FETUB: variants seen among roughly 807,000 people sequenced by gnomAD.
FETUB encodes the protein fetuin-B.
FETUB carries 28 observed loss-of-function variants against 30.9 expected under a neutral mutation model. The observed-to-expected ratio is 0.90, with a 90% CI of 0.67 to 1.24. FETUB has a LOEUF of 1.24. FETUB is among the 50% of genes most tolerant of loss of function. The pLI is 0.00. For missense variants in FETUB, 469 were observed against 455.3 expected (o/e 1.03, Z -0.27); for synonymous variants, 186 against 175.9 (o/e 1.06, Z -0.45).
At chr3:186,646,723 T>A (rs980608534) in intron 5 of FETUB, among the ~76,000 whole-genome samples, 1 of 152,218 alleles carries the variant, frequency 6.6e-6, no homozygotes, top group Admixed American at 6.5e-5. Flanking sequence ...AGAGGGAAAG[T>A]ATGCCTTGAA....
intron 2 of FETUB, among the ~76,000 whole-genome samples, chr3:186,641,352 G>A (rs1243877304): frequency 2.0e-5 from 3 of 152,170 alleles, no homozygotes; most frequent in Non-Finnish European, 4.4e-5. Flanking sequence ...TTGGGGTCAT[G>A]CAGAACAGAA....
At chr3:186,637,706 C>T (rs1394311539), upstream of FETUB, among the ~76,000 whole-genome samples, 3 of 152,246 alleles carry the variant, frequency 2.0e-5, no homozygotes, top group Non-Finnish European at 2.9e-5. Context: ...TAAGAATCTG[C>T]ACCGTGGGAG....
rs1439954804 is a variant in FETUB at position 186,644,810 on chromosome 3, T to C, written c.484T>C (p.Ser162Pro). 1.2e-6 allele frequency: 2 copies of C among 1,613,978 alleles called. No individual in the cohort carries two copies. Among genetic ancestry groups the C allele is most frequent in the Non-Finnish European group, 1.7e-6 (2 of 1,179,970 alleles). ...CTGCCCAAGCTCCATACCCACTGACTCTTCCAATCACCAAGTGCTGGAGGC... is the reference window on the plus strand; with the variant it reads ...CTGCCCAAGCTCCATACCCACTGACCCTTCCAATCACCAAGTGCTGGAGGC... ...PDCPSSIPTD[S>P]SNHQVLEAAT... Residue 162 changes from serine to proline, a missense_variant, in exon 4 of 7, where the codon TCT (serine) becomes CCT (proline). Coordinates refer to ENST00000265029, the MANE Select transcript of FETUB (RefSeq NM_014375.3).
chr3:186,639,284 G>A (rs1181351391), upstream of FETUB, among the ~76,000 whole-genome samples: 1 of 152,126 alleles, frequency 6.6e-6, no homozygotes, highest in Non-Finnish European at 1.5e-5. Flanking sequence ...CATGAGGGTG[G>A]AGCCCTCATC....
At chr3:186,647,120 C>G (rs1234000272) in intron 5 of FETUB, 1 of 152,190 alleles carries the variant, frequency 6.6e-6, no homozygotes, top group Non-Finnish European at 1.5e-5. Context: ...TCTTTTGTAT[C>G]TGGCTTCTTT....
rs1207537496 is a variant in FETUB at position 186,647,943 on chromosome 3, TA to T, written c.696+1599del. Among the ~76,000 whole-genome samples the T allele has an allele frequency of 2.6e-5, 4 of 152,200 alleles. No homozygotes were observed. In the East Asian group the frequency reaches 7.7e-4, roughly 29 times the overall value. ...CCATAATCACCAAGATTTACATGTG[TA>T]AAAATGCAAGGGATCCAGAATGCCA... On this transcript the variant is annotated intron_variant, in intron 5 of 6. Coordinates refer to ENST00000265029, the MANE Select transcript of FETUB (RefSeq NM_014375.3).
intron 5 of FETUB, 69 bp downstream of exon 5, chr3:186,646,418 A>C: frequency 8.6e-7 from 1 of 1,163,788 alleles, no homozygotes; most frequent in African/African-American, 1.5e-5. Flanking sequence ...GTGGAGCATA[A>C]ATTACATATG....
Position 186,646,266 on chromosome 3 carries a change from TA to T in FETUB, c.614del (p.Tyr205SerfsTer6). 1 of 1,613,770 alleles carries T rather than the reference TA, an allele frequency of 6.2e-7. No individual in the cohort carries two copies. The highest frequency in any genetic ancestry group is 8.5e-7 in the Non-Finnish European group (1 of 1,179,680). On this transcript the variant is annotated frameshift_variant, in exon 5 of 7. Coordinates refer to ENST00000265029, the MANE Select transcript of FETUB (RefSeq NM_014375.3). LOFTEE classifies it high-confidence loss of function. ...ATAACAGTGGGTGGTCGGCCCTTCTTACTTTGTGGAATACTTAATTAAAGAA... is the reference window on the plus strand; with the variant it reads ...ATAACAGTGGGTGGTCGGCCCTTCTTCTTTGTGGAATACTTAATTAAAGAA... ...ASSQWVVGPS[Y>X]FVEYLIKESP...
chr3:186,649,253 C>T (rs1045996519), intron 5 of FETUB, among the ~76,000 whole-genome samples: 4 of 149,948 alleles, frequency 2.7e-5, no homozygotes, highest in African/African-American at 2.5e-5. Context: ...GCTTTTCCCA[C>T]TTTAAGGAAT....
Position 186,652,276 on chromosome 3 carries a change from G to A in FETUB, c.794G>A (p.Gly265Glu). The A allele has an allele frequency of 1.3e-6, 2 of 1,546,726 alleles. No homozygotes were observed. The highest frequency in any genetic ancestry group is 1.7e-6 in the Non-Finnish European group (2 of 1,153,242). The change falls in exon 7 of 7, where the codon GGA becomes GAA. Residue 265 changes from glycine to glutamate, a missense_variant. Gly to Glu is a moderately conservative substitution (Grantham distance 98, BLOSUM62 -2). Coordinates refer to ENST00000265029, the MANE Select transcript of FETUB (RefSeq NM_014375.3). ...TTCTCATTCCAGGCTCCAGCCACTGGAAGTGAAAACTCTGCTGTTAACCAG... is the reference window on the plus strand; with the variant it reads ...TTCTCATTCCAGGCTCCAGCCACTGAAAGTGAAAACTCTGCTGTTAACCAG... The part of the protein sequence containing the change: ...DFFESQAPAT[G>E]SENSAVNQKP...
At chr3:186,645,724 T>G (rs913024186) in intron 4 of FETUB, among the ~76,000 whole-genome samples, 1 of 108,668 alleles carries the variant, frequency 9.2e-6, no homozygotes, top group Admixed American at 1.1e-4. Flanking sequence ...TTCAAATCTT[T>G]TTTTTTTTTT....
chr3:186,644,740 G>A lies in FETUB; in HGVS notation c.425-11G>A. The A allele has an allele frequency of 6.3e-7, 1 of 1,585,070 alleles. No individual in the cohort carries two copies. Among genetic ancestry groups the A allele is most frequent in the African/African-American group, 1.4e-5 (1 of 73,274 alleles). ...ATAGCATTTAAAAACTTATGTTATT[G>A]GCATCAACAGTTTCAAAAAAAAAGA... On this transcript the variant is annotated splice_polypyrimidine_tract_variant and intron_variant, in intron 3 of 6. Coordinates refer to ENST00000265029, the MANE Select transcript of FETUB (RefSeq NM_014375.3).
chr3:186,650,181 G>C lies in FETUB; in HGVS notation c.697-1037G>C, dbSNP rs995463200. 3.7e-4 allele frequency among the ~76,000 whole-genome samples: 30 copies of C among 81,348 alleles called. 1 individual carries two copies. The highest frequency in any genetic ancestry group is 1.1e-3 in the African/African-American group (26 of 22,660). The allele number at this position is 81,348 out of a possible 152,430, so 53.4% of individuals were successfully genotyped here. A position where few individuals can be genotyped will look rare whatever the true frequency, so the allele number is the denominator to read the frequency against. On this transcript the variant is annotated intron_variant, in intron 5 of 6. Transcript: ENST00000265029. ...TTTGTTGGCGGGGGTGGGGGGGGGG[G>C]GTAAATCACCAGCTGTGGGATTGCT... is the stretch of plus-strand genomic sequence containing the variant.
At position 186,652,446 on chromosome 3, in the gene FETUB, G is replaced by A. The variant is rs1273596032; in HGVS notation, c.964G>A (p.Glu322Lys). The A allele has an allele frequency of 6.2e-7, 1 of 1,613,884 alleles. No homozygotes were observed. Among genetic ancestry groups the A allele is most frequent in the African/African-American group, 1.3e-5 (1 of 74,876 alleles). ...AAATTCCCAGGAAAAGGGCCCTCAG[G>A]AGGCCTTTCCTGTGCATCTGGACCT... Reference protein sequence around the residue: ...DKNSQEKGPQEAFPVHLDLTT... With the variant: ...DKNSQEKGPQKAFPVHLDLTT... Residue 322 changes from glutamate (E) to lysine (K), a missense_variant, in exon 7 of 7, where the codon GAG (glutamate) becomes AAG (lysine). By Grantham distance (56) the Glu-to-Lys change is moderately conservative (BLOSUM62 1). Coordinates refer to ENST00000265029, the MANE Select transcript of FETUB (RefSeq NM_014375.3).
At chr3:186,640,278 A>T (rs1716925375), upstream of FETUB, 1 of 613,986 alleles carries the variant, frequency 1.6e-6, no homozygotes, top group African/African-American at 1.8e-5. Flanking sequence ...CTAAGGTTAG[A>T]ATCATTGGGA....
chr3:186,650,615 ACT>A (rs1032605172), intron 5 of FETUB, among the ~76,000 whole-genome samples: 73 of 152,160 alleles, frequency 4.8e-4, no homozygotes, highest in African/African-American at 1.7e-3. Flanking sequence ...ATATAATATG[ACT>A]CTATTTTGTA....
chr3:186,637,922 G>C (rs1449111442), upstream of FETUB, among the ~76,000 whole-genome samples: 1 of 152,190 alleles, frequency 6.6e-6, no homozygotes, highest in African/African-American at 2.4e-5. Flanking sequence ...CTAGACCTGG[G>C]CTGTCTGATA....
chr3:186,650,037 C>T (rs1316290621), intron 5 of FETUB, among the ~76,000 whole-genome samples: 2 of 151,764 alleles, frequency 1.3e-5, no homozygotes, highest in African/African-American at 4.8e-5. Context: ...CACACATGCA[C>T]ATCACATTTT....
chr3:186,651,088 A>T, intron 5 of FETUB, 130 bp from the exon 6 acceptor site: 1 of 641,614 alleles, frequency 1.6e-6, no homozygotes. Flanking sequence ...GAATTGACTC[A>T]GAGTCTACCT....
Sources: allele counts gnomAD v4.1 joint callset (sites outside exome capture counted in the v4.1 genomes callset), GRCh38; gene constraint gnomAD v4.1.1; transcripts MANE v1.5; gene names NCBI Gene and HGNC (gene_info 2026-07-23, HGNC 2026-07-21).